The following NAV2 variants were observed in gnomAD, a reference collection of about 807,000 sequenced individuals.
NAV2 encodes neuron navigator 2, also known as helicase, APC down-regulated 1.
Under a neutral mutation model 223.2 loss-of-function variants are expected in NAV2, and 54 were observed. The observed-to-expected ratio is 0.24, with a 90% CI of 0.19 to 0.30. The LOEUF is 0.30. Among genes scored for constraint, NAV2 ranks in the 10% least tolerant of loss-of-function variants. The pLI is 1.00. For synonymous variants in NAV2, 1,279 were observed against 1,239.3 expected (o/e 1.03, Z -0.67); for missense variants, 2,806 against 3,147.5 (o/e 0.89, Z 2.60).
At position 20,101,151 on chromosome 11, in the gene NAV2, C is replaced by T. The variant is rs147878742; in HGVS notation, c.6396C>T (p.Asn2132=). 1.4e-5 allele frequency: 22 copies of T among 1,613,284 alleles called. No homozygotes were observed. The highest frequency in any genetic ancestry group is 1.6e-4 in the Middle Eastern group (1 of 6,078). ...ELTDGVIATF[N]VDHKSSKELR... ...CAGACGGGGTTATCGCCACCTTTAACGTGGACCATAAGTCCAGCAAGGTGA... is the reference window on the plus strand; with the variant it reads ...CAGACGGGGTTATCGCCACCTTTAATGTGGACCATAAGTCCAGCAAGGTGA... The change falls in exon 32 of 38, where the codon AAC becomes AAT. Residue 2132 remains asparagine (N), a synonymous_variant. Coordinates refer to ENST00000349880, the MANE Select transcript of NAV2 (RefSeq NM_145117.5).
At chr11:20,105,248 A>T (rs1167815409) in intron 34 of NAV2, 2 of 312,410 alleles carry the variant, frequency 6.4e-6, no homozygotes, top group Non-Finnish European at 1.2e-5. Context: ...TAGCTCTTCA[A>T]TTAACTAGCT....
At chr11:20,028,277 C>G (rs545171908) in intron 11 of NAV2, among the ~76,000 whole-genome samples, 1 of 152,158 alleles carries the variant, frequency 6.6e-6, no homozygotes, top group Non-Finnish European at 1.5e-5. Context: ...ATTCCTGACA[C>G]GGTGATGTCA....
At chr11:19,374,154 A>G (rs766913166) in intron 1 of NAV2, among the ~76,000 whole-genome samples, 3 of 152,192 alleles carry the variant, frequency 2.0e-5, no homozygotes, top group Non-Finnish European at 4.4e-5. Context: ...TCTCGAAAAC[A>G]CATGCTTTTC....
intron 6 of NAV2, among the ~76,000 whole-genome samples, chr11:19,901,186 A>G (rs775873529): frequency 1.3e-5 from 2 of 152,186 alleles, no homozygotes; most frequent in Non-Finnish European, 2.9e-5. Flanking sequence ...TTTCACACCC[A>G]TGAGATCTTA....
At chr11:19,906,678 C>G (rs2042887308) in intron 6 of NAV2, among the ~76,000 whole-genome samples, 1 of 152,196 alleles carries the variant, frequency 6.6e-6, no homozygotes, top group African/African-American at 2.4e-5. Context: ...TTGGTTACCC[C>G]AGTCCCATAG....
intron 4 of NAV2, among the ~76,000 whole-genome samples, chr11:19,870,183 C>G (rs1252110422): frequency 6.6e-6 from 1 of 152,130 alleles, no homozygotes; most frequent in Non-Finnish European, 1.5e-5. Flanking sequence ...GATTCCCCAG[C>G]CCTGGGGTAC....
chr11:19,680,239 C>G (rs1036136375), intron 1 of NAV2, among the ~76,000 whole-genome samples: 19 of 152,168 alleles, frequency 1.2e-4, no homozygotes, highest in African/African-American at 4.3e-4. Context: ...CTCTTTAGAG[C>G]GTTTTCCTGC....
chr11:19,575,750 A>G (rs963569876), intron 1 of NAV2, among the ~76,000 whole-genome samples: 1 of 152,188 alleles, frequency 6.6e-6, no homozygotes, highest in Non-Finnish European at 1.5e-5. Flanking sequence ...CCCGATGGCC[A>G]GGGATCCATG....
chr11:20,000,408 C>T (rs934482353), intron 11 of NAV2, among the ~76,000 whole-genome samples: 3 of 152,148 alleles, frequency 2.0e-5, no homozygotes, highest in Admixed American at 6.5e-5. Context: ...AGAGCATGCA[C>T]TTATTATGTT....
chr11:19,426,817 A>G (rs1034527249), intron 1 of NAV2, among the ~76,000 whole-genome samples: 5 of 152,056 alleles, frequency 3.3e-5, no homozygotes, highest in African/African-American at 1.2e-4. Flanking sequence ...GCCCTACCAC[A>G]CTACCCAGGA....
At chr11:19,641,471 C>T (rs1235939911) in intron 1 of NAV2, among the ~76,000 whole-genome samples, 1 of 152,048 alleles carries the variant, frequency 6.6e-6, no homozygotes, top group African/African-American at 2.4e-5. Flanking sequence ...AACCCATCCT[C>T]CTCAGCAGCC....
chr11:19,864,527 T>A (rs1380915659), intron 3 of NAV2, among the ~76,000 whole-genome samples: 2 of 152,204 alleles, frequency 1.3e-5, no homozygotes, highest in Admixed American at 1.3e-4. Flanking sequence ...TTGCTTCCTA[T>A]CTCCTGATTC....
Position 20,042,493 on chromosome 11 carries a change from T to C in NAV2, c.2908-1488T>C, listed in dbSNP as rs137884677. 2.2e-4 allele frequency among the ~76,000 whole-genome samples: 33 copies of C among 152,166 alleles called. No individual in the cohort carries two copies. In the East Asian group the frequency reaches 5.0e-3, roughly 23 times the overall value. On this transcript the variant is annotated intron_variant, in intron 12 of 37. Transcript: ENST00000349880. ...TCCTCCTCATATCTCTAGTGACTAA[T>C]ACTTAGCTGGAAAAAAACAAATGAA...
At chr11:19,624,415 TC>T (rs1247475599) in intron 1 of NAV2, among the ~76,000 whole-genome samples, 3 of 152,168 alleles carry the variant, frequency 2.0e-5, no homozygotes, top group Admixed American at 6.5e-5. Flanking sequence ...AGTTCGAGCT[TC>T]CTGGCCACTT....
At chr11:19,496,861 AAC>A (rs567566485) in intron 1 of NAV2, among the ~76,000 whole-genome samples, 397 of 152,286 alleles carry the variant, frequency 2.6e-3, no homozygotes, top group African/African-American at 9.0e-3. Context: ...AACAAACAAA[AAC>A]AGTTTTCTTG....
chr11:19,578,560 C>T (rs1474819710), intron 1 of NAV2, among the ~76,000 whole-genome samples: 2 of 152,184 alleles, frequency 1.3e-5, no homozygotes, highest in Non-Finnish European at 2.9e-5. Flanking sequence ...GACATTGTGA[C>T]ATTGTCCAGC....
chr11:19,718,704 G>C (rs1320705269), intron 1 of NAV2, among the ~76,000 whole-genome samples: 4 of 152,102 alleles, frequency 2.6e-5, no homozygotes, highest in Non-Finnish European at 2.9e-5. Context: ...AATGTTTATG[G>C]TTCACATATT....
Position 20,048,858 on chromosome 11 carries a change from G to A in NAV2, c.4033G>A (p.Gly1345Ser). The change falls in exon 15 of 38, where the codon GGC (glycine) becomes AGC (serine). Residue 1345 changes from glycine (G) to serine (S), a missense_variant. Coordinates refer to ENST00000349880, the MANE Select transcript of NAV2 (RefSeq NM_145117.5). ...QGNLDSPSGS[G>S]VLSSGSSSPL... ...TAACCTAGACTCCCCGTCAGGCAGT[G>A]GCGTCCTGAGCAGTGGGAGCAGCAG... 1.2e-6 allele frequency: 2 copies of A among 1,614,190 alleles called. No homozygotes were observed. Among genetic ancestry groups the A allele is most frequent in the Non-Finnish European group, 1.7e-6 (2 of 1,180,028 alleles).
At chr11:19,743,962 T>C (rs2053100740) in intron 1 of NAV2, among the ~76,000 whole-genome samples, 2 of 152,222 alleles carry the variant, frequency 1.3e-5, no homozygotes, top group Admixed American at 1.3e-4. Flanking sequence ...ATTTGGGTTG[T>C]AGTATGCTTC....
Sources: gnomAD v4.1 joint callset for allele counts (sites outside exome capture counted in the v4.1 genomes callset) on GRCh38, gnomAD v4.1.1 for gene constraint, MANE v1.5 for transcripts, NCBI Gene and HGNC (gene_info 2026-07-23, HGNC 2026-07-21) for gene names.